The following PPID variants were observed in gnomAD, a reference collection of about 807,000 sequenced individuals.
The protein encoded by PPID is peptidyl-prolyl cis-trans isomerase D.
In PPID, 47 loss-of-function variants were observed where a neutral mutation model predicts 48.1. The observed-to-expected ratio is 0.98, with a 90% CI of 0.77 to 1.25. The LOEUF (loss-of-function observed/expected upper bound fraction) is 1.25, where lower values mean the gene tolerates loss of function less well. PPID is among the 50% of genes most tolerant of loss of function. The pLI is 0.00. For missense variants in PPID, 429 were observed against 443.5 expected, an observed-to-expected ratio of 0.97 and a Z score of 0.29; for synonymous variants, 163 against 148.8, an observed-to-expected ratio of 1.10 and a Z score of -0.69.
At chr4:158,715,233 C>G (rs1774851373) in intron 6 of PPID, 64 bp downstream of exon 6, 1 of 1,268,362 alleles carries the variant, frequency 7.9e-7, no homozygotes, top group African/African-American at 1.5e-5. Flanking sequence ...ATGAGCAATT[C>G]TTAATTTTAG....
At chr4:158,719,920 A>G (rs1195775257) in intron 2 of PPID, among the ~76,000 whole-genome samples, 2 of 152,214 alleles carry the variant, frequency 1.3e-5, no homozygotes, top group Non-Finnish European at 2.9e-5. Flanking sequence ...GGAAAGACAC[A>G]GGCAGAGTCT....
chr4:158,721,600 T>C lies in PPID; in HGVS notation c.86-117A>G, dbSNP rs1453236850. On this transcript the variant is annotated intron_variant, in intron 1 of 9. Coordinates refer to ENST00000307720, the MANE Select transcript of PPID (RefSeq NM_005038.3). ...CATGAATTACCAAGTTCCCCTTTAC[T>C]GTAATTTTTCTTTTTTGCAATTTCA... The C allele has an allele frequency of 4.0e-6, 5 of 1,254,270 alleles. No homozygotes were observed. The African/African-American group carries it at 4.6e-5, about 11-fold the overall frequency. The allele number at this position is 1,254,270 out of a possible 1,614,324, so 77.7% of individuals were successfully genotyped here. A position where few individuals can be genotyped will look rare whatever the true frequency, so the allele number is the denominator to read the frequency against.
At chr4:158,712,272 A>G (rs562770963) in intron 7 of PPID, among the ~76,000 whole-genome samples, 1 of 152,346 alleles carries the variant, frequency 6.6e-6, no homozygotes, top group East Asian at 1.9e-4. Context: ...CTAAAGATAA[A>G]TGACCTGTTC....
intron 2 of PPID, 28 bp from the exon 3 acceptor site, chr4:158,719,314 G>A: frequency 7.0e-7 from 1 of 1,422,790 alleles, no homozygotes; most frequent in Non-Finnish European, 9.9e-7. Flanking sequence ...GGCTATTAGT[G>A]ACTGAGACAT....
chr4:158,711,533 C>T (rs17843949), intron 7 of PPID, among the ~76,000 whole-genome samples: 2,199 of 152,202 alleles, frequency 0.014, 51 homozygotes, highest in African/African-American at 0.048. Context: ...AACCTAGGTT[C>T]TTACCTACAA....
chr4:158,723,234 A>G lies in PPID; in HGVS notation c.55T>C (p.Phe19Leu). 6.2e-7 allele frequency: 1 copy of G among 1,614,018 alleles called. No individual in the cohort carries two copies. Among genetic ancestry groups the G allele is most frequent in the Admixed American group, 1.7e-5 (1 of 60,022 alleles). Residue 19 changes from phenylalanine to leucine, a missense_variant, in exon 1 of 10, where the codon TTC becomes CTC. Physicochemically the swap from Phe to Leu is conservative, Grantham distance 22. Coordinates refer to ENST00000307720, the MANE Select transcript of PPID (RefSeq NM_005038.3). ...KPSNPSNPRV[F>L]FDVDIGGERV... is the part of the protein sequence containing the mutation. ...TCCCCTCCGATGTCCACGTCAAAGA[A>G]GACTCGAGGGTTACTGGGGTTGGAG...
In PPID at chr4:158,709,636, CAAAA is replaced by C. The variant is rs1462557588; in HGVS notation, c.*96_*99del. 1 of 861,744 alleles carries C rather than the reference CAAAA, an allele frequency of 1.2e-6. No individual in the cohort carries two copies. The allele number at this position is 861,744 out of a possible 1,614,324, so 53.4% of individuals were successfully genotyped here. A position where few individuals can be genotyped will look rare whatever the true frequency, so the allele number is the denominator to read the frequency against. On this transcript the variant is annotated 3_prime_UTR_variant, in exon 10 of 10. Transcript: ENST00000307720. ...TGTAAACAGTAAGGAACTAAGGTGT[CAAAA>C]GAAACACATTAGGGATCATATTCAT...
intron 2 of PPID, 134 bp from the exon 3 acceptor site, chr4:158,719,420 A>AC (rs1774921528): frequency 1.6e-6 from 1 of 619,098 alleles, no homozygotes; most frequent in African/African-American, 1.9e-5. Context: ...GTCGCTCCCC[A>AC]CCCGTCTCCG....
intron 2 of PPID, among the ~76,000 whole-genome samples, chr4:158,719,586 T>C (rs1580433175): frequency 6.6e-6 from 1 of 152,336 alleles, no homozygotes; most frequent in East Asian, 1.9e-4. Context: ...TCTCCCATAG[T>C]ATCTTGACTC....
chr4:158,717,407 C>T (rs982314743), intron 3 of PPID, among the ~76,000 whole-genome samples: 1 of 152,038 alleles, frequency 6.6e-6, no homozygotes, highest in African/African-American at 2.4e-5. Flanking sequence ...ATTCACAAAA[C>T]ATGGGGCACT....
intron 3 of PPID, among the ~76,000 whole-genome samples, chr4:158,718,202 G>A (rs1194649031): frequency 1.3e-5 from 2 of 152,104 alleles, no homozygotes; most frequent in Admixed American, 6.5e-5. Context: ...AACGTCTCTT[G>A]CCTTTGTCTT....
intron 3 of PPID, among the ~76,000 whole-genome samples, chr4:158,718,054 C>T (rs898114722): frequency 1.3e-5 from 2 of 152,202 alleles, no homozygotes; most frequent in Non-Finnish European, 2.9e-5. Context: ...AAGGCCACCA[C>T]GTTTATAGAA....
chr4:158,715,472 T>A, intron 5 of PPID, 69 bp from the exon 6 acceptor site: 1 of 1,541,678 alleles, frequency 6.5e-7, no homozygotes, highest in African/African-American at 1.4e-5. Flanking sequence ...TTCTATCATA[T>A]GAGAGACTGA....
chr4:158,719,269 T>C lies in PPID; in HGVS notation c.244A>G (p.Ile82Val), dbSNP rs1414924295. 1 of 1,606,340 alleles carries C rather than the reference T, an allele frequency of 6.2e-7. No homozygotes were observed. The highest frequency in any genetic ancestry group is 2.2e-5 in the East Asian group (1 of 44,828). The change falls in exon 3 of 10, where the codon ATT (isoleucine) becomes GTT (valine). Residue 82 changes from isoleucine (I) to valine (V), a missense_variant. Transcript: ENST00000307720. ...TGATTTGAGAAGTCTCCACCCTGAA[T>C]CATAAATTTCTTAATAACTACAAAA... The part of the protein sequence containing the change: ...PFHRIIKKFM[I>V]QGGDFSNQNG...
chr4:158,715,287 A>G lies in PPID; in HGVS notation c.752+10T>C. 1 of 1,419,738 alleles carries G rather than the reference A, an allele frequency of 7.0e-7. No individual in the cohort carries two copies. Among genetic ancestry groups the G allele is most frequent in the South Asian group, 1.5e-5 (1 of 64,770 alleles). 87.9% of individuals were successfully genotyped at this position (1,419,738 alleles called of 1,614,324 possible). A position where few individuals can be genotyped will look rare whatever the true frequency, so the allele number is the denominator to read the frequency against. ...ATTTCTTAAAAATAATTTGTTAGAAATAATATTACCTTAAAACTTCTGCAT... is the reference window on the plus strand; with the variant it reads ...ATTTCTTAAAAATAATTTGTTAGAAGTAATATTACCTTAAAACTTCTGCAT... On this transcript the variant is annotated intron_variant, in intron 6 of 9. Coordinates refer to ENST00000307720, the MANE Select transcript of PPID (RefSeq NM_005038.3).
chr4:158,721,382 C>T lies in PPID; in HGVS notation c.187G>A (p.Gly63Arg), dbSNP rs1348114462. 1.2e-6 allele frequency: 2 copies of T among 1,614,124 alleles called. No homozygotes were observed. The highest frequency in any genetic ancestry group is 3.3e-5 in the Admixed American group (2 of 60,010). ...CATCCTTTGAAATGGAGAGGTTTCC[C>T]AGTCGTGTGTCCAATGCCTTTTTCT... The part of the protein sequence containing the change: ...TGEKGIGHTT[G>R]KPLHFKGCPF... The change falls in exon 2 of 10, where the codon GGG becomes AGG. Residue 63 changes from glycine (G) to arginine (R), a missense_variant. Transcript: ENST00000307720.
intron 3 of PPID, among the ~76,000 whole-genome samples, chr4:158,718,896 A>G (rs1465826891): frequency 6.6e-6 from 1 of 152,204 alleles, no homozygotes; most frequent in Non-Finnish European, 1.5e-5. Flanking sequence ...CAATGGAAAC[A>G]TTTTTCCTGG....
chr4:158,713,348 GATATAAAA>G, intron 6 of PPID, 88 bp from the exon 7 acceptor site: 3 of 1,231,688 alleles, frequency 2.4e-6, no homozygotes, highest in Non-Finnish European at 3.2e-6. Context: ...TGTCATTTCT[GATATAAAA>G]AGCTCTAAAA....
intron 3 of PPID, among the ~76,000 whole-genome samples, 182 bp from the exon 4 acceptor site, chr4:158,717,382 A>T (rs1253631104): frequency 6.6e-6 from 1 of 152,138 alleles, no homozygotes; most frequent in Non-Finnish European, 1.5e-5. Flanking sequence ...ATTTTTTTAT[A>T]AACTGCAACC....
Sources: gnomAD v4.1 joint callset for allele counts (sites outside exome capture counted in the v4.1 genomes callset) on GRCh38, gnomAD v4.1.1 for gene constraint, MANE v1.5 for transcripts, NCBI Gene and HGNC (gene_info 2026-07-23, HGNC 2026-07-21) for gene names.